CSMD1: variants seen among roughly 807,000 people sequenced by gnomAD.
The protein encoded by CSMD1 is CUB and Sushi multiple domains 1.
A neutral mutation model predicts 417.5 loss-of-function variants in CSMD1; 213 were observed. The ratio of observed to expected loss-of-function variants is 0.51; its 90% CI spans 0.46 to 0.57. The LOEUF (loss-of-function observed/expected upper bound fraction) is 0.57. Among genes scored for constraint, CSMD1 ranks in the 20% least tolerant of loss-of-function variants. The pLI, the probability that CSMD1 is intolerant of heterozygous loss-of-function variation, is 0.00. For missense variants in CSMD1, 6,923 were observed against 4,529.7 expected (o/e 1.53, Z -15.17); for synonymous variants, 2,862 against 1,736.8 (o/e 1.65, Z -16.11).
intron 5 of CSMD1, among the ~76,000 whole-genome samples, chr8:3,946,657 T>C (rs62481637): frequency 0.1 from 15,437 of 152,150 alleles, 1,056 homozygotes; most frequent in South Asian, 0.18. Flanking sequence ...AACTTACATC[T>C]TGAAAGCCCT....
At chr8:4,279,099 A>T (rs557367560) in intron 3 of CSMD1, among the ~76,000 whole-genome samples, 1 of 152,294 alleles carries the variant, frequency 6.6e-6, no homozygotes, top group Admixed American at 6.5e-5. Context: ...TTTTTTTAAA[A>T]AACACCAACC....
chr8:4,070,605 C>T (rs1294049604), intron 3 of CSMD1, among the ~76,000 whole-genome samples: 2 of 152,160 alleles, frequency 1.3e-5, no homozygotes, highest in Non-Finnish European at 2.9e-5. Context: ...GATCCACCCA[C>T]CTCGGCCTCC....
At chr8:4,746,982 T>C (rs1810999064) in intron 1 of CSMD1, among the ~76,000 whole-genome samples, 1 of 152,122 alleles carries the variant, frequency 6.6e-6, no homozygotes, top group Non-Finnish European at 1.5e-5. Flanking sequence ...ACAGGAATAA[T>C]TTCTCAAGCA....
At chr8:4,063,012 T>C (rs1287026852) in intron 3 of CSMD1, among the ~76,000 whole-genome samples, 1 of 152,160 alleles carries the variant, frequency 6.6e-6, no homozygotes, top group Non-Finnish European at 1.5e-5. Flanking sequence ...TAAGAGATAC[T>C]GTTAGTTACA....
At chr8:3,340,258 G>C (rs902819086) in intron 23 of CSMD1, among the ~76,000 whole-genome samples, 4 of 152,182 alleles carry the variant, frequency 2.6e-5, no homozygotes, top group Non-Finnish European at 5.9e-5. Context: ...ATAAAGAAGA[G>C]TAGAAGGAGC....
At chr8:3,309,326 A>G (rs1362839730) in intron 23 of CSMD1, among the ~76,000 whole-genome samples, 2 of 143,704 alleles carry the variant, frequency 1.4e-5, no homozygotes, top group African/African-American at 5.1e-5. Context: ...TGGGAAAAGA[A>G]AAAAAAACTG....
intron 5 of CSMD1, among the ~76,000 whole-genome samples, chr8:3,933,300 T>C (rs1412802394): frequency 3.3e-5 from 5 of 152,220 alleles, no homozygotes; most frequent in Non-Finnish European, 5.9e-5. Flanking sequence ...CTTTAAAATA[T>C]ATTTATTTGT....
At chr8:4,133,532 C>T (rs1803236706) in intron 3 of CSMD1, among the ~76,000 whole-genome samples, 1 of 152,192 alleles carries the variant, frequency 6.6e-6, no homozygotes, top group African/African-American at 2.4e-5. Flanking sequence ...ACTTTTCCTT[C>T]TCCTCCTCAT....
intron 5 of CSMD1, among the ~76,000 whole-genome samples, chr8:3,834,584 T>A (rs956992308): frequency 6.6e-6 from 1 of 152,214 alleles, no homozygotes; most frequent in Non-Finnish European, 1.5e-5. Flanking sequence ...ATTACAAATA[T>A]ATAAATGTAA....
intron 12 of CSMD1, among the ~76,000 whole-genome samples, chr8:3,423,010 A>G (rs116527294): frequency 0.014 from 2,137 of 152,314 alleles, 43 homozygotes; most frequent in African/African-American, 0.047. Flanking sequence ...CCTGAATTTT[A>G]CAGGAGACAC....
chr8:3,875,636 C>G (rs6998661), intron 5 of CSMD1, among the ~76,000 whole-genome samples: 11,134 of 152,088 alleles, frequency 0.073, 1,071 homozygotes, highest in African/African-American at 0.23. Context: ...TTCCTCACAG[C>G]CTCCGGAGCA....
At position 3,789,262 on chromosome 8, in the gene CSMD1, C is replaced by G. The variant is rs1485361117; in HGVS notation, c.819-35220G>C. ...AAAATATGCCTTGGTTTTGGACTTCCCAGCCTCCTGAACTGTTGTTTTCAA... is the reference window on the plus strand; with the variant it reads ...AAAATATGCCTTGGTTTTGGACTTCGCAGCCTCCTGAACTGTTGTTTTCAA... On this transcript the variant is annotated intron_variant, in intron 5 of 69. Transcript: ENST00000635120. Among the ~76,000 whole-genome samples the G allele has an allele frequency of 2.6e-5, 4 of 152,062 alleles. No homozygotes were observed. The South Asian group carries it at 6.2e-4, about 24-fold the overall frequency.
intron 10 of CSMD1, among the ~76,000 whole-genome samples, chr8:3,507,399 T>G (rs991106916): frequency 2.6e-5 from 4 of 152,250 alleles, no homozygotes; most frequent in Non-Finnish European, 4.4e-5. Context: ...TAATCCAGTC[T>G]ATCATTGTTG....
At chr8:4,701,247 G>C (rs1016182274) in intron 1 of CSMD1, among the ~76,000 whole-genome samples, 1 of 151,612 alleles carries the variant, frequency 6.6e-6, no homozygotes, top group Non-Finnish European at 1.5e-5. Flanking sequence ...TCTCAGGTCT[G>C]CTTCCACCTG....
intron 9 of CSMD1, among the ~76,000 whole-genome samples, chr8:3,583,036 T>G (rs1174016719): frequency 6.6e-6 from 1 of 152,122 alleles, no homozygotes; most frequent in East Asian, 1.9e-4. Flanking sequence ...AAAGAGGGCT[T>G]AGAATTTCCC....
chr8:3,785,473 G>C (rs1157623151), intron 5 of CSMD1, among the ~76,000 whole-genome samples: 3 of 152,200 alleles, frequency 2.0e-5, no homozygotes, highest in African/African-American at 7.2e-5. Flanking sequence ...CCCTCCTAAG[G>C]CTTGTACTCT....
chr8:4,715,069 G>C (rs1284635978), intron 1 of CSMD1, among the ~76,000 whole-genome samples: 1 of 152,080 alleles, frequency 6.6e-6, no homozygotes, highest in African/African-American at 2.4e-5. Flanking sequence ...TTTAAGTCCA[G>C]ATAATTATCC....
At chr8:4,956,503 T>C (rs1809121194) in intron 1 of CSMD1, among the ~76,000 whole-genome samples, 1 of 148,934 alleles carries the variant, frequency 6.7e-6, no homozygotes, top group African/African-American at 2.4e-5. Context: ...AAATATATGT[T>C]ATCATATACA....
chr8:3,818,844 T>A (rs1469061130), intron 5 of CSMD1, among the ~76,000 whole-genome samples: 1 of 152,122 alleles, frequency 6.6e-6, no homozygotes, highest in African/African-American at 2.4e-5. Flanking sequence ...AATGACAAGA[T>A]CCCTTGCATG....
Sources: gnomAD v4.1 joint callset for allele counts (sites outside exome capture counted in the v4.1 genomes callset) on GRCh38, gnomAD v4.1.1 for gene constraint, MANE v1.5 for transcripts, NCBI Gene and HGNC (gene_info 2026-07-23, HGNC 2026-07-21) for gene names.